TUB: variants seen among roughly 807,000 people sequenced by gnomAD.
The protein encoded by TUB is TUB bipartite transcription factor, also known as tubby protein homolog.
TUB carries 33 observed loss-of-function variants against 59.7 expected under a neutral mutation model. That is an observed-to-expected ratio of 0.55 (90% confidence interval 0.42 to 0.74). The LOEUF is 0.74. Among genes scored for constraint, TUB ranks in the 30% least tolerant of loss-of-function variants. The pLI is 0.00. For synonymous variants in TUB, 293 were observed against 256.4 expected (o/e 1.14, Z -1.36); for missense variants, 659 against 672.0 (o/e 0.98, Z 0.21).
At position 8,105,669 on chromosome 11, in the gene TUB, A is replaced by G. The variant is rs555267957; in HGVS notation, c.*4050A>G. The G allele has an allele frequency of 4.6e-5, 7 of 152,132 alleles. No homozygotes were observed. The highest frequency in any genetic ancestry group is 8.8e-5 in the Non-Finnish European group (6 of 68,006). The allele number at this position is 152,132 out of a possible 1,614,324, so 9.4% of individuals were successfully genotyped here. A position where few individuals can be genotyped will look rare whatever the true frequency, so the allele number is the denominator to read the frequency against. ...TTGCCGTAGGATTTGGGGTGAATGA[A>G]AATTATTCCTTGCTTTCATCACTAC... On this transcript the variant is annotated 3_prime_UTR_variant, in exon 12 of 12. Coordinates refer to ENST00000299506, the MANE Select transcript of TUB (RefSeq NM_177972.3).
chr11:8,036,835 G>C (rs2133722589), upstream of TUB, among the ~76,000 whole-genome samples: 1 of 152,336 alleles, frequency 6.6e-6, no homozygotes. Context: ...CCATGGTCCA[G>C]CCTTAAGGTA....
rs1235440479 is a variant in TUB at position 8,104,831 on chromosome 11, TGGAAGCCA to T, written c.*3216_*3223del. 2 of 152,036 alleles carry T rather than the reference TGGAAGCCA, an allele frequency of 1.3e-5. No individual in the cohort carries two copies. The highest frequency in any genetic ancestry group is 4.8e-5 in the African/African-American group (2 of 41,408). 9.4% of individuals were successfully genotyped at this position (152,036 alleles called of 1,614,324 possible). On this transcript the variant is annotated 3_prime_UTR_variant, in exon 12 of 12. Coordinates refer to ENST00000299506, the MANE Select transcript of TUB (RefSeq NM_177972.3). The stretch of plus-strand genomic sequence containing the variant: ...CCAGATCTATGGCGAACACAGGTGT[TGGAAGCCA>T]GGACTGTGATAATCAGAAGCTATAA...
chr11:8,029,182 C>T (rs1273847027), intron 1 of TUB, among the ~76,000 whole-genome samples: 3 of 152,094 alleles, frequency 2.0e-5, no homozygotes, highest in African/African-American at 7.2e-5. Context: ...TTTTCTGGCC[C>T]CGGGTTCCCA....
chr11:8,089,926 T>C, intron 2 of TUB, 143 bp from the exon 3 acceptor site: 1 of 1,283,700 alleles, frequency 7.8e-7, no homozygotes, highest in African/African-American at 1.5e-5. Flanking sequence ...GGGCCCTGTT[T>C]TGCCTCCCTT....
chr11:8,064,934 T>G (rs772417199), intron 2 of TUB, among the ~76,000 whole-genome samples: 19 of 152,142 alleles, frequency 1.2e-4, no homozygotes, highest in African/African-American at 4.1e-4. Flanking sequence ...CTCAAAGATA[T>G]TGTTGGTAGG....
At chr11:8,027,893 T>C (rs941867435) in intron 1 of TUB, among the ~76,000 whole-genome samples, 2 of 152,200 alleles carry the variant, frequency 1.3e-5, no homozygotes, top group African/African-American at 4.8e-5. Flanking sequence ...AATGCTCCAG[T>C]GAACATTGGT....
intron 1 of TUB, among the ~76,000 whole-genome samples, chr11:8,087,906 C>T (rs891678431): frequency 4.6e-5 from 7 of 152,242 alleles, no homozygotes; most frequent in African/African-American, 1.7e-4. Flanking sequence ...GATGCCCAGC[C>T]TCTCAGCCAG....
chr11:8,105,972 C>T lies in TUB; in HGVS notation c.*4353C>T, dbSNP rs903613294. The T allele has an allele frequency of 6.6e-6, 1 of 152,196 alleles. No individual in the cohort carries two copies. The highest frequency in any genetic ancestry group is 2.4e-5 in the African/African-American group (1 of 41,456). The allele number at this position is 152,196 out of a possible 1,614,324, so 9.4% of individuals were successfully genotyped here. ...TTCACAATGCCTAGACTGTGTATGT[C>T]TATTTGCACAAGATTGTCTTTTCCT... is the stretch of plus-strand genomic sequence containing the variant. On this transcript the variant is annotated 3_prime_UTR_variant, in exon 12 of 12. Coordinates refer to ENST00000299506, the MANE Select transcript of TUB (RefSeq NM_177972.3).
upstream of TUB, among the ~76,000 whole-genome samples, chr11:8,081,205 C>A (rs1482393111): frequency 6.6e-6 from 1 of 151,442 alleles, no homozygotes; most frequent in Non-Finnish European, 1.5e-5. Flanking sequence ...GCCGCTGCCA[C>A]GCAGTACTCC....
upstream of TUB, among the ~76,000 whole-genome samples, chr11:8,079,673 G>GGGGTGTGTGTGTGC (rs1554928055): frequency 6.7e-6 from 1 of 149,360 alleles, no homozygotes; most frequent in East Asian, 1.9e-4. Context: ...CATGTGTGTA[G>GGGGTGTGTGTGTGC]GTGTGTGTAG....
intron 4 of TUB, 152 bp from the exon 5 acceptor site, chr11:8,095,346 G>A: frequency 2.8e-6 from 2 of 715,202 alleles, no homozygotes; most frequent in Non-Finnish European, 2.3e-6. Flanking sequence ...TAACAGGCTG[G>A]TGCAATCATT....
upstream of TUB, among the ~76,000 whole-genome samples, chr11:8,080,378 C>CA (rs1554928201): frequency 1.3e-5 from 2 of 151,964 alleles, no homozygotes; most frequent in Non-Finnish European, 2.9e-5. Flanking sequence ...CTCAGTGTGC[C>CA]ATGCCTTGCA....
At chr11:8,077,795 T>C (rs7944325), upstream of TUB, 4,062 of 152,184 alleles carry the variant, frequency 0.027, 175 homozygotes, top group African/African-American at 0.092. Flanking sequence ...TTTCTTCCTA[T>C]CTCCCTTGCC....
chr11:8,019,989 G>T (rs562008133), intron 1 of TUB, among the ~76,000 whole-genome samples: 3 of 152,310 alleles, frequency 2.0e-5, no homozygotes, highest in African/African-American at 7.2e-5. Flanking sequence ...GGGCGGTTTG[G>T]AGCTGCGCTC....
chr11:8,020,541 C>T (rs1186097587), intron 1 of TUB, among the ~76,000 whole-genome samples: 1 of 152,212 alleles, frequency 6.6e-6, no homozygotes. Flanking sequence ...CTCTCTTCAG[C>T]CTGTAAACTT....
rs149621791 is a variant in TUB at position 8,058,399 on chromosome 11, C to T, written c.203+18707C>T. Among the ~76,000 whole-genome samples, 845 of 152,286 alleles carry T rather than the reference C, an allele frequency of 5.5e-3. 7 individuals are homozygous for T. Among genetic ancestry groups the T allele is most frequent in the African/African-American group, 0.019 (788 of 41,556 alleles). On this transcript the variant is annotated intron_variant, in intron 2 of 12. Transcript: ENST00000305253. ...GTGCACTGCTGAGCATCTCCTCGCA[C>T]TTCGATGCTCAGTCACATCACAGAT... is the stretch of plus-strand genomic sequence containing the variant.
intron 1 of TUB, among the ~76,000 whole-genome samples, chr11:8,082,136 G>A (rs1289016499): frequency 6.6e-6 from 1 of 152,222 alleles, no homozygotes; most frequent in Non-Finnish European, 1.5e-5. Context: ...GAGAATAACT[G>A]ACACCTGCTT....
At chr11:8,021,893 GCAA>G (rs955641528) in intron 1 of TUB, among the ~76,000 whole-genome samples, 5 of 149,294 alleles carry the variant, frequency 3.3e-5, no homozygotes, top group Non-Finnish European at 5.9e-5. Flanking sequence ...TCTAGCCTGG[GCAA>G]CAGAGCGAGA....
rs188403128 is a variant in TUB at position 8,048,612 on chromosome 11, C to T, written c.203+8920C>T. Among the ~76,000 whole-genome samples, 59 of 152,166 alleles carry T rather than the reference C, an allele frequency of 3.9e-4. 2 individuals are homozygous for T. Among genetic ancestry groups the T allele is most frequent in the Admixed American group, 3.1e-3 (48 of 15,274 alleles). On this transcript the variant is annotated intron_variant, in intron 2 of 12. Coordinates refer to the TUB transcript ENST00000305253. ...GTGGAGACAGGGCCTCATTATGTTG[C>T]CCAGGCCAGTCTGGAACTCCTGGTC...
Sources: allele counts gnomAD v4.1 joint callset (sites outside exome capture counted in the v4.1 genomes callset), GRCh38; gene constraint gnomAD v4.1.1; transcripts MANE v1.5; gene names NCBI Gene and HGNC (gene_info 2026-07-23, HGNC 2026-07-21).